The following STX8 variants were observed in gnomAD, a reference collection of about 807,000 sequenced individuals.
The protein encoded by STX8 is syntaxin-8.
In STX8, 23 loss-of-function variants were observed where a neutral mutation model predicts 37.5. That is an observed-to-expected ratio of 0.61 (90% confidence interval 0.44 to 0.87). STX8 has a LOEUF of 0.87. Ranked by LOEUF, STX8 falls within the 40% of genes least tolerant of loss-of-function variation. STX8 has a pLI of 0.00. For missense variants in STX8, 313 were observed against 284.7 expected, an observed-to-expected ratio of 1.10 and a Z score of -0.71; for synonymous variants, 115 against 99.1, an observed-to-expected ratio of 1.16 and a Z score of -0.95.
chr17:9,461,590 G>A (rs1330461300), intron 6 of STX8, among the ~76,000 whole-genome samples: 1 of 152,154 alleles, frequency 6.6e-6, no homozygotes, highest in Admixed American at 6.5e-5. Context: ...TTTGCACAGA[G>A]AAAGCTGGTG....
chr17:9,563,332 G>T (rs777701520), intron 2 of STX8, among the ~76,000 whole-genome samples: 1 of 151,798 alleles, frequency 6.6e-6, no homozygotes, highest in Non-Finnish European at 1.5e-5. Context: ...ACAGGTGCTC[G>T]CCACCACACC....
chr17:9,563,044 T>C (rs951975579), intron 2 of STX8, among the ~76,000 whole-genome samples: 13 of 152,194 alleles, frequency 8.5e-5, no homozygotes, highest in Admixed American at 3.9e-4. Flanking sequence ...AGAGTACCCA[T>C]ACAGCGCTAA....
intron 6 of STX8, among the ~76,000 whole-genome samples, chr17:9,449,252 C>T (rs1904955899): frequency 6.6e-6 from 1 of 152,174 alleles, no homozygotes; most frequent in African/African-American, 2.4e-5. Context: ...ACTCAATGTC[C>T]TTCCACTGGT....
At chr17:9,458,662 A>G (rs1370420181) in intron 6 of STX8, among the ~76,000 whole-genome samples, 2 of 152,136 alleles carry the variant, frequency 1.3e-5, no homozygotes, top group Non-Finnish European at 2.9e-5. Flanking sequence ...AGCACTCCCA[A>G]TGCAATATGA....
intron 5 of STX8, 61 bp from the exon 6 acceptor site, chr17:9,491,982 A>G: frequency 8.3e-7 from 1 of 1,209,894 alleles, no homozygotes; most frequent in Non-Finnish European, 1.2e-6. Flanking sequence ...AAAGTCCATA[A>G]GTATACCCAG....
At chr17:9,481,910 A>AC (rs1194948131) in intron 6 of STX8, among the ~76,000 whole-genome samples, 3 of 152,104 alleles carry the variant, frequency 2.0e-5, no homozygotes, top group Admixed American at 6.5e-5. Flanking sequence ...TCCTGAAACT[A>AC]CCCCCCATCC....
chr17:9,537,308 G>A (rs1455199108), intron 4 of STX8, among the ~76,000 whole-genome samples: 2 of 152,208 alleles, frequency 1.3e-5, no homozygotes, highest in African/African-American at 4.8e-5. Context: ...TTGGAGCCAC[G>A]TGACTAGTTA....
chr17:9,282,506 C>A (rs1226117174), intron 7 of STX8, among the ~76,000 whole-genome samples: 1 of 152,180 alleles, frequency 6.6e-6, no homozygotes, highest in Admixed American at 6.5e-5. Context: ...TTATTCCTTC[C>A]AACATTACAT....
chr17:9,412,971 A>G (rs988879893), intron 6 of STX8, among the ~76,000 whole-genome samples: 48 of 152,198 alleles, frequency 3.2e-4, no homozygotes, highest in African/African-American at 1.1e-3. Flanking sequence ...GAAAAGTTGC[A>G]ATAGGACAAA....
At chr17:9,301,656 T>TC (rs2142178225) in intron 7 of STX8, among the ~76,000 whole-genome samples, 1 of 143,248 alleles carries the variant, frequency 7.0e-6, no homozygotes, top group East Asian at 2.0e-4. Context: ...CCATTTTTGT[T>TC]TTTTTTTTTG....
chr17:9,518,639 C>A (rs868359007), intron 4 of STX8, among the ~76,000 whole-genome samples: 2 of 152,032 alleles, frequency 1.3e-5, no homozygotes, highest in Non-Finnish European at 2.9e-5. Flanking sequence ...GAGGCCGAGG[C>A]GGGTAGATCA....
At chr17:9,362,083 C>T (rs778045592) in intron 7 of STX8, among the ~76,000 whole-genome samples, 1 of 152,158 alleles carries the variant, frequency 6.6e-6, no homozygotes, top group Non-Finnish European at 1.5e-5. Flanking sequence ...GTAATCCCAG[C>T]ACCTTGGGAG....
intron 6 of STX8, 70 bp from the exon 7 acceptor site, chr17:9,378,723 G>A: frequency 3.4e-6 from 4 of 1,171,188 alleles, no homozygotes; most frequent in Non-Finnish European, 5.1e-6. Context: ...CACAGCTGTG[G>A]TTGTTCATCC....
chr17:9,489,833 C>T (rs1906775037), intron 6 of STX8, among the ~76,000 whole-genome samples: 4 of 151,790 alleles, frequency 2.6e-5, no homozygotes, highest in Admixed American at 6.6e-5. Context: ...GGATTACACG[C>T]ATACAACACC....
chr17:9,410,958 C>A (rs1209173994), intron 6 of STX8, among the ~76,000 whole-genome samples: 1 of 152,158 alleles, frequency 6.6e-6, no homozygotes, highest in Non-Finnish European at 1.5e-5. Context: ...TTACAATACA[C>A]CAGGCACTGT....
At chr17:9,363,467 A>G (rs909218054) in intron 7 of STX8, among the ~76,000 whole-genome samples, 5 of 152,220 alleles carry the variant, frequency 3.3e-5, no homozygotes, top group Non-Finnish European at 7.3e-5. Flanking sequence ...GTAGACAAAT[A>G]GTGTCGGGAA....
chr17:9,510,455 A>G (rs1434833028), intron 4 of STX8, among the ~76,000 whole-genome samples: 1 of 152,200 alleles, frequency 6.6e-6, no homozygotes, highest in Non-Finnish European at 1.5e-5. Context: ...GAAAATATCA[A>G]TAACATGAGG....
intron 3 of STX8, chr17:9,553,259 ACT>A (rs908632743): frequency 3.9e-5 from 6 of 152,138 alleles, no homozygotes; most frequent in Non-Finnish European, 8.8e-5. Context: ...AGAAATTTAA[ACT>A]CTCTGACTGC....
At chr17:9,396,412 A>G (rs1243993634) in intron 6 of STX8, among the ~76,000 whole-genome samples, 3 of 152,084 alleles carry the variant, frequency 2.0e-5, no homozygotes, top group Non-Finnish European at 4.4e-5. Flanking sequence ...GGCCGGGCGC[A>G]GTGGCTCACG....
Sources: allele counts gnomAD v4.1 joint callset (sites outside exome capture counted in the v4.1 genomes callset), GRCh38; gene constraint gnomAD v4.1.1; transcripts MANE v1.5; gene names NCBI Gene and HGNC (gene_info 2026-07-23, HGNC 2026-07-21).